The following TIAM1 variants were observed in gnomAD, a reference collection of about 807,000 sequenced individuals.
TIAM1 encodes the protein rho guanine nucleotide exchange factor TIAM1.
Under a neutral mutation model 163.5 loss-of-function variants are expected in TIAM1, and 65 were observed. The ratio of observed to expected loss-of-function variants is 0.40; its 90% CI spans 0.33 to 0.49. The LOEUF (loss-of-function observed/expected upper bound fraction) is 0.49. TIAM1 is among the 20% of genes least tolerant of loss of function. The pLI is 0.77. For synonymous variants in TIAM1, 833 were observed against 810.1 expected (o/e 1.03, Z -0.48); for missense variants, 1,789 against 2,044.7 (o/e 0.87, Z 2.41).
At chr21:31,208,970 C>T (rs1569027595) in intron 11 of TIAM1, among the ~76,000 whole-genome samples, 1 of 151,606 alleles carries the variant, frequency 6.6e-6, no homozygotes, top group South Asian at 2.1e-4. Flanking sequence ...TTTTTAGCAG[C>T]CCCAAAGAAG....
chr21:31,417,044 CAG>C (rs995284580), intron 2 of TIAM1, among the ~76,000 whole-genome samples: 7 of 152,152 alleles, frequency 4.6e-5, no homozygotes, highest in African/African-American at 1.7e-4. Context: ...TTTTTTGAGA[CAG>C]AGTTTCACTC....
Position 31,154,364 on chromosome 21 carries a change from G to A in TIAM1, c.3054C>T (p.Ser1018=), listed in dbSNP as rs1172329197. 13 of 1,614,054 alleles carry A rather than the reference G, an allele frequency of 8.1e-6. No individual in the cohort carries two copies. Among genetic ancestry groups the A allele is most frequent in the East Asian group, 2.2e-5 (1 of 44,882 alleles). Residue 1018 remains serine, a synonymous_variant, in exon 17 of 28, where the codon AGC becomes AGT. Coordinates refer to ENST00000541036, the MANE Select transcript of TIAM1 (RefSeq NM_001353694.2). The part of the protein sequence containing the change: ...SLHEMNPSDQ[S]PSPQDSTGPQ... ...GCCCCGTGGAGTCCTGAGGAGATGGGCTCTGGTCAGAGGGGTTCATCTCAT... is the reference window on the plus strand; with the variant it reads ...GCCCCGTGGAGTCCTGAGGAGATGGACTCTGGTCAGAGGGGTTCATCTCAT...
intron 2 of TIAM1, among the ~76,000 whole-genome samples, chr21:31,430,247 T>TATACAC (rs1491352162): frequency 2.8e-5 from 3 of 106,932 alleles, no homozygotes; most frequent in African/African-American, 1.1e-4. Flanking sequence ...TATATATATA[T>TATACAC]ACACACACAC....
In TIAM1 at chr21:31,119,659, GT is replaced by G. The variant is rs1157425483; in HGVS notation, c.*708del. The G allele has an allele frequency of 6.6e-6, 1 of 152,398 alleles. No homozygotes were observed. The highest frequency in any genetic ancestry group is 1.5e-5 in the Non-Finnish European group (1 of 67,990). 9.4% of individuals were successfully genotyped at this position (152,398 alleles called of 1,614,324 possible). ...ATCTATTTGTGCCCCTGTATCTCAG[GT>G]AAAATACAAAAAATAGTGTTTCTTT... is the stretch of plus-strand genomic sequence containing the variant. On this transcript the variant is annotated 3_prime_UTR_variant, in exon 28 of 28. Transcript: ENST00000541036.
intron 2 of TIAM1, among the ~76,000 whole-genome samples, chr21:31,301,773 G>A (rs1238465723): frequency 2.0e-5 from 3 of 151,950 alleles, no homozygotes; most frequent in Admixed American, 2.0e-4. Flanking sequence ...CCAGGAGGCA[G>A]AGGTTGCAGT....
chr21:31,522,983 A>AT (rs938906634), intron 1 of TIAM1, among the ~76,000 whole-genome samples: 1 of 152,206 alleles, frequency 6.6e-6, no homozygotes, highest in Admixed American at 6.5e-5. Flanking sequence ...TATAAAATAA[A>AT]TTTTTAGCAC....
intron 2 of TIAM1, among the ~76,000 whole-genome samples, chr21:31,332,358 T>G (rs953318917): frequency 1.3e-5 from 2 of 151,910 alleles, no homozygotes; most frequent in African/African-American, 4.8e-5. Flanking sequence ...CAGAGAGAAA[T>G]TTCTATACAC....
chr21:31,138,804 G>T (rs2833299), intron 22 of TIAM1, among the ~76,000 whole-genome samples: 12,668 of 152,220 alleles, frequency 0.083, 894 homozygotes, highest in African/African-American at 0.19. Flanking sequence ...CAACTGCCTT[G>T]GAGTAATTGA....
At chr21:31,152,827 T>C in intron 18 of TIAM1, 66 bp from the exon 19 acceptor site, 4 of 1,562,408 alleles carry the variant, frequency 2.6e-6, no homozygotes, top group Non-Finnish European at 2.6e-6. Context: ...TATTTATATC[T>C]GATTACAAGG....
At chr21:31,289,577 C>A (rs1283369675) in intron 2 of TIAM1, among the ~76,000 whole-genome samples, 4 of 152,148 alleles carry the variant, frequency 2.6e-5, no homozygotes, top group Admixed American at 6.5e-5. Context: ...TTTGGCTGTA[C>A]AACAATTACT....
chr21:31,312,914 C>T (rs556763873), intron 2 of TIAM1, among the ~76,000 whole-genome samples: 129 of 152,288 alleles, frequency 8.5e-4, no homozygotes, highest in African/African-American at 2.9e-3. Flanking sequence ...GGTTATGATA[C>T]AGAAATGTGT....
intron 2 of TIAM1, among the ~76,000 whole-genome samples, chr21:31,394,548 A>T (rs2077019354): frequency 6.6e-6 from 1 of 152,094 alleles, no homozygotes; most frequent in Admixed American, 6.5e-5. Flanking sequence ...TTTGTAAGAA[A>T]TGCACCAGTC....
At chr21:31,535,224 T>A (rs1456129441) in intron 1 of TIAM1, among the ~76,000 whole-genome samples, 2 of 150,948 alleles carry the variant, frequency 1.3e-5, no homozygotes, top group Non-Finnish European at 3.0e-5. Context: ...CTACTAAAAA[T>A]ACAAAAATTA....
intron 2 of TIAM1, among the ~76,000 whole-genome samples, chr21:31,308,985 T>C (rs751127220): frequency 4.0e-5 from 6 of 151,630 alleles, no homozygotes; most frequent in African/African-American, 2.4e-5. Flanking sequence ...GCAAATGCAA[T>C]TAGCTTGAAA....
chr21:31,434,852 G>A (rs973154749), intron 2 of TIAM1, among the ~76,000 whole-genome samples: 5 of 152,140 alleles, frequency 3.3e-5, no homozygotes, highest in Non-Finnish European at 5.9e-5. Flanking sequence ...AATGTCCCAC[G>A]GAGACTTTTG....
intron 22 of TIAM1, among the ~76,000 whole-genome samples, chr21:31,136,859 A>G (rs142311658): frequency 6.6e-6 from 1 of 152,336 alleles, no homozygotes; most frequent in Non-Finnish European, 1.5e-5. Context: ...TCTTCTTCCA[A>G]TCCATTTCAA....
intron 2 of TIAM1, among the ~76,000 whole-genome samples, chr21:31,369,059 T>A (rs1437187406): frequency 6.7e-6 from 1 of 149,208 alleles, no homozygotes; most frequent in African/African-American, 2.6e-5. Flanking sequence ...ACCCCATCTC[T>A]ACTAAAAACA....
intron 2 of TIAM1, among the ~76,000 whole-genome samples, chr21:31,283,501 T>C (rs772971331): frequency 2.9e-4 from 44 of 152,086 alleles, no homozygotes; most frequent in Non-Finnish European, 4.7e-4. Flanking sequence ...CAGCATCTCT[T>C]TTCCCATTTC....
chr21:31,337,111 AATAGGTTACTT>A (rs2075865125), intron 2 of TIAM1, among the ~76,000 whole-genome samples: 1 of 152,146 alleles, frequency 6.6e-6, no homozygotes, highest in South Asian at 2.1e-4. Context: ...TATTGCTTTG[AATAGGTTACTT>A]AGGCCAGAGG....
Sources: gnomAD v4.1 joint callset for allele counts (sites outside exome capture counted in the v4.1 genomes callset) on GRCh38, gnomAD v4.1.1 for gene constraint, MANE v1.5 for transcripts, NCBI Gene and HGNC (gene_info 2026-07-23, HGNC 2026-07-21) for gene names.